The following SNX29 variants were observed in gnomAD, a reference collection of about 807,000 sequenced individuals.
SNX29 encodes the protein sorting nexin-29.
Under a neutral mutation model 102.1 loss-of-function variants are expected in SNX29, and 78 were observed. The observed-to-expected ratio is 0.76, with a 90% CI of 0.64 to 0.92. SNX29 has a LOEUF of 0.92. Among genes scored for constraint, SNX29 ranks in the 40% least tolerant of loss-of-function variants. The pLI, the probability that SNX29 is intolerant of heterozygous loss-of-function variation, is 0.00. For missense variants in SNX29, 1,280 were observed against 1,061.7 expected (o/e 1.21, Z -2.86); for synonymous variants, 580 against 414.5 (o/e 1.40, Z -4.85).
chr16:12,213,229 A>G (rs778310228), intron 14 of SNX29, among the ~76,000 whole-genome samples: 1 of 152,208 alleles, frequency 6.6e-6, no homozygotes, highest in Non-Finnish European at 1.5e-5. Context: ...GAAGTAACTC[A>G]GGAACAGAAA....
intron 11 of SNX29, among the ~76,000 whole-genome samples, chr16:12,118,469 G>A (rs2053833510): frequency 1.3e-5 from 2 of 151,716 alleles, no homozygotes; most frequent in African/African-American, 2.4e-5. Flanking sequence ...ACAGGTGCCT[G>A]CCACCATGCC....
chr16:12,078,429 C>G (rs1428863491), intron 10 of SNX29, among the ~76,000 whole-genome samples: 1 of 151,960 alleles, frequency 6.6e-6, no homozygotes, highest in East Asian at 1.9e-4. Flanking sequence ...GAGCCGAGAT[C>G]ACGCAAAAGA....
At chr16:12,446,685 C>G (rs2086070007) in intron 18 of SNX29, among the ~76,000 whole-genome samples, 1 of 152,070 alleles carries the variant, frequency 6.6e-6, no homozygotes, top group South Asian at 2.1e-4. Context: ...TTCCTCTGTG[C>G]CTTGTTAGGT....
chr16:12,016,905 T>C (rs1043879800), intron 3 of SNX29, among the ~76,000 whole-genome samples: 4 of 151,868 alleles, frequency 2.6e-5, no homozygotes, highest in African/African-American at 9.7e-5. Flanking sequence ...GGCAGGAGGA[T>C]TGCTTAAGCC....
At chr16:12,131,614 G>T (rs1251840922) in intron 13 of SNX29, among the ~76,000 whole-genome samples, 1 of 152,144 alleles carries the variant, frequency 6.6e-6, no homozygotes, top group African/African-American at 2.4e-5. Context: ...CATTCAGGTT[G>T]TTTCCAGTTT....
rs781070955 is a variant in SNX29 at position 12,570,862 on chromosome 16, GCCT to G, written c.*2237_*2239del. The G allele has an allele frequency of 2.6e-5, 6 of 231,884 alleles. No individual in the cohort carries two copies. Among genetic ancestry groups the G allele is most frequent in the African/African-American group, 6.6e-5 (3 of 45,252 alleles). The allele number at this position is 231,884 out of a possible 1,614,324, so 14.4% of individuals were successfully genotyped here. ...TGGTATTGAACTGGTGGGAGAAACT[GCCT>G]CCTACTTTTATAATACTGAATTATT... On this transcript the variant is annotated 3_prime_UTR_variant, in exon 21 of 21. Transcript: ENST00000566228.
At chr16:12,368,950 G>C (rs1341488839) in intron 16 of SNX29, among the ~76,000 whole-genome samples, 1 of 152,116 alleles carries the variant, frequency 6.6e-6, no homozygotes, top group Non-Finnish European at 1.5e-5. Flanking sequence ...AAAATCCTGA[G>C]CTCATGACCC....
intron 18 of SNX29, among the ~76,000 whole-genome samples, chr16:12,427,516 G>A (rs75292863): frequency 0.011 from 1,692 of 152,030 alleles, 39 homozygotes; most frequent in African/African-American, 0.038. Context: ...TAGTAATTGG[G>A]GAACTGATAA....
At chr16:12,097,566 C>G (rs965468577) in intron 11 of SNX29, among the ~76,000 whole-genome samples, 1 of 151,132 alleles carries the variant, frequency 6.6e-6, no homozygotes, top group Non-Finnish European at 1.5e-5. Context: ...TCTTTTTTAG[C>G]ATTTGTTCAT....
chr16:12,551,929 C>G (rs1322264770), intron 20 of SNX29, among the ~76,000 whole-genome samples: 1 of 152,210 alleles, frequency 6.6e-6, no homozygotes, highest in African/African-American at 2.4e-5. Flanking sequence ...CACAGAGCCA[C>G]TGTGAGGATC....
chr16:11,996,217 A>C, intron 1 of SNX29, among the ~76,000 whole-genome samples: 1 of 152,008 alleles, frequency 6.6e-6, no homozygotes, highest in East Asian at 1.9e-4. Flanking sequence ...GTCTGTATAA[A>C]AAATAAAAAT....
At chr16:12,138,761 A>T (rs1044331041) in intron 13 of SNX29, among the ~76,000 whole-genome samples, 1 of 152,110 alleles carries the variant, frequency 6.6e-6, no homozygotes, top group Non-Finnish European at 1.5e-5. Flanking sequence ...CTAGAAGAAG[A>T]GTTGCTGTAG....
At chr16:12,537,795 C>G (rs1167385709) in intron 20 of SNX29, among the ~76,000 whole-genome samples, 2 of 152,020 alleles carry the variant, frequency 1.3e-5, no homozygotes, top group East Asian at 1.9e-4. Flanking sequence ...TAAAATATCT[C>G]CTATATCAGA....
intron 14 of SNX29, among the ~76,000 whole-genome samples, chr16:12,251,534 C>T (rs2078422592): frequency 6.6e-6 from 1 of 152,110 alleles, no homozygotes; most frequent in African/African-American, 2.4e-5. Flanking sequence ...AAAACCCCGT[C>T]TCTACTACAA....
chr16:12,506,315 A>G (rs1022870733), intron 19 of SNX29, among the ~76,000 whole-genome samples: 1 of 152,160 alleles, frequency 6.6e-6, no homozygotes, highest in Non-Finnish European at 1.5e-5. Context: ...CACCCTAAAA[A>G]AAAAGCTGGG....
chr16:12,226,922 T>C (rs904455558), intron 14 of SNX29, among the ~76,000 whole-genome samples: 15 of 152,180 alleles, frequency 9.9e-5, no homozygotes, highest in African/African-American at 1.4e-4. Flanking sequence ...GTCTACTGGC[T>C]AGCTGATTCC....
At chr16:12,369,642 C>G (rs529205321) in intron 16 of SNX29, among the ~76,000 whole-genome samples, 1 of 152,086 alleles carries the variant, frequency 6.6e-6, no homozygotes, top group Non-Finnish European at 1.5e-5. Flanking sequence ...TCAGTGCCAC[C>G]TTGTAAATCT....
intron 19 of SNX29, among the ~76,000 whole-genome samples, chr16:12,501,486 C>G (rs1329891366): frequency 6.6e-6 from 1 of 151,994 alleles, no homozygotes; most frequent in East Asian, 1.9e-4. Flanking sequence ...CTTTGGGAGG[C>G]TGAGGTGAGT....
intron 3 of SNX29, among the ~76,000 whole-genome samples, chr16:12,018,383 C>T (rs1466557080): frequency 6.6e-6 from 1 of 151,322 alleles, no homozygotes; most frequent in African/African-American, 2.4e-5. Flanking sequence ...TGAGACCACC[C>T]TGGCCAAGAT....
Sources: allele counts gnomAD v4.1 joint callset (sites outside exome capture counted in the v4.1 genomes callset), GRCh38; gene constraint gnomAD v4.1.1; transcripts MANE v1.5; gene names NCBI Gene and HGNC (gene_info 2026-07-23, HGNC 2026-07-21).